APP: variants seen among roughly 807,000 people sequenced by gnomAD.
APP encodes amyloid-beta precursor protein.
APP carries 31 observed loss-of-function variants against 101.4 expected under a neutral mutation model. That is an observed-to-expected ratio of 0.31 (90% CI 0.23 to 0.41). The LOEUF (loss-of-function observed/expected upper bound fraction) is 0.41. APP is among the 10% of genes least tolerant of loss of function. APP has a pLI of 1.00. For missense variants in APP, 839 were observed against 1,003.7 expected, an observed-to-expected ratio of 0.84 and a Z score of 2.22; for synonymous variants, 366 against 364.4, an observed-to-expected ratio of 1.00 and a Z score of -0.05.
intron 1 of APP, among the ~76,000 whole-genome samples, chr21:26,122,866 G>A (rs2830067): frequency 0.095 from 14,501 of 151,984 alleles, 891 homozygotes; most frequent in Admixed American, 0.15. Flanking sequence ...AATTTACTCC[G>A]TGAAAGCTCA....
chr21:26,103,860 A>G (rs2062120192), intron 2 of APP, among the ~76,000 whole-genome samples: 1 of 152,212 alleles, frequency 6.6e-6, no homozygotes, highest in East Asian at 1.9e-4. Context: ...TAATTCTCAC[A>G]ACACTTTGGG....
At chr21:25,986,523 T>A (rs985047878) in intron 8 of APP, among the ~76,000 whole-genome samples, 6 of 152,032 alleles carry the variant, frequency 3.9e-5, no homozygotes, top group African/African-American at 1.5e-4. Flanking sequence ...AAACCCCGTC[T>A]CTACTAAAAT....
intron 13 of APP, among the ~76,000 whole-genome samples, chr21:25,950,956 G>C (rs1163489197): frequency 4.6e-5 from 7 of 152,146 alleles, no homozygotes; most frequent in Non-Finnish European, 1.0e-4. Flanking sequence ...TTTCCAGAAG[G>C]ACATGAGTGT....
chr21:26,043,921 T>C (rs1210716930), intron 5 of APP, among the ~76,000 whole-genome samples: 2 of 152,226 alleles, frequency 1.3e-5, no homozygotes, highest in African/African-American at 2.4e-5. Context: ...GAGTCTGAGA[T>C]ATGGTATGAA....
intron 11 of APP, among the ~76,000 whole-genome samples, chr21:25,957,225 G>C (rs1363953469): frequency 6.6e-6 from 1 of 152,138 alleles, no homozygotes; most frequent in Non-Finnish European, 1.5e-5. Context: ...ACTCTCATCT[G>C]AACTGTGAAA....
intron 13 of APP, among the ~76,000 whole-genome samples, chr21:25,924,995 C>A (rs555237126): frequency 1.2e-4 from 18 of 152,234 alleles, no homozygotes; most frequent in African/African-American, 4.3e-4. Context: ...TCGCATATGA[C>A]CAATTCTTAT....
intron 11 of APP, among the ~76,000 whole-genome samples, chr21:25,960,273 GGGTCTA>G (rs1369425591): frequency 2.7e-5 from 4 of 150,696 alleles, no homozygotes; most frequent in African/African-American, 9.7e-5. Flanking sequence ...TAATCTAAAT[GGGTCTA>G]GGTGCTGGGG....
At chr21:25,986,389 G>T (rs1040063850) in intron 8 of APP, among the ~76,000 whole-genome samples, 1 of 152,168 alleles carries the variant, frequency 6.6e-6, no homozygotes, top group African/African-American at 2.4e-5. Flanking sequence ...AGACCTCTGA[G>T]ATTCCACGGA....
intron 17 of APP, 35 bp downstream of exon 17, chr21:25,891,687 T>C (rs1241461933): frequency 9.3e-6 from 15 of 1,609,896 alleles, no homozygotes; most frequent in Non-Finnish European, 1.3e-5. Context: ...ATAGTCTTAA[T>C]TCCCACTTGG....
chr21:26,118,496 G>A (rs1456518130), intron 1 of APP, among the ~76,000 whole-genome samples: 6 of 152,048 alleles, frequency 3.9e-5, no homozygotes, highest in Non-Finnish European at 7.4e-5. Context: ...TGAAATGAGC[G>A]AGATGTAAAA....
chr21:26,080,127 T>TAAAC (rs757919842), intron 3 of APP, among the ~76,000 whole-genome samples: 18 of 152,100 alleles, frequency 1.2e-4, no homozygotes, highest in Admixed American at 3.9e-4. Flanking sequence ...TCCGTCTCAA[T>TAAAC]AAACAAACAA....
At chr21:25,963,005 G>T (rs1023091703) in intron 11 of APP, among the ~76,000 whole-genome samples, 1 of 151,994 alleles carries the variant, frequency 6.6e-6, no homozygotes, top group Non-Finnish European at 1.5e-5. Flanking sequence ...AGTAGAGAAG[G>T]GTTTCACTAT....
chr21:25,894,514 GGTGACTTTGA>G (rs1419276930), intron 16 of APP, among the ~76,000 whole-genome samples: 1 of 152,098 alleles, frequency 6.6e-6, no homozygotes, highest in Admixed American at 6.5e-5. Flanking sequence ...AACTCTCATG[GGTGACTTTGA>G]GGAGTTCAAG....
intron 14 of APP, among the ~76,000 whole-genome samples, chr21:25,907,750 A>G (rs1232672827): frequency 6.6e-6 from 1 of 152,202 alleles, no homozygotes; most frequent in Non-Finnish European, 1.5e-5. Flanking sequence ...CAAACTCTCT[A>G]CCAGGCCAAA....
intron 9 of APP, among the ~76,000 whole-genome samples, chr21:25,981,459 C>A (rs1272961117): frequency 6.6e-6 from 1 of 152,096 alleles, no homozygotes; most frequent in Non-Finnish European, 1.5e-5. Context: ...TTGTAGACTA[C>A]AAATCAGAAA....
Position 25,924,424 on chromosome 21 carries a change from A to AAAG in APP, c.1688-12463_1688-12462insCTT, listed in dbSNP as rs1555896404. 8.5e-5 allele frequency among the ~76,000 whole-genome samples: 9 copies of AAAG among 105,724 alleles called. 1 individual carries two copies. Among genetic ancestry groups the AAAG allele is most frequent in the Non-Finnish European group, 1.5e-4 (8 of 52,780 alleles). The allele number at this position is 105,724 out of a possible 152,430, so 69.4% of individuals were successfully genotyped here. On this transcript the variant is annotated intron_variant, in intron 13 of 17. Transcript: ENST00000346798. The stretch of plus-strand genomic sequence containing the variant: ...AATTTGCAAATACAAAAAAAAAAAA[A>AAAG]AAAGGAAAAAAAAAAAGGTTGAGTT...
chr21:26,155,003 G>C (rs2063346500), intron 1 of APP, among the ~76,000 whole-genome samples: 1 of 152,158 alleles, frequency 6.6e-6, no homozygotes, highest in Non-Finnish European at 1.5e-5. Context: ...TGTAATCCCG[G>C]CACTTTGGGA....
intron 3 of APP, among the ~76,000 whole-genome samples, chr21:26,055,641 T>C (rs945016840): frequency 6.6e-6 from 1 of 152,206 alleles, no homozygotes; most frequent in African/African-American, 2.4e-5. Flanking sequence ...AAGTACCCTA[T>C]GGCCTGAAGA....
At chr21:26,140,508 C>G in intron 1 of APP, 1 of 528,690 alleles carries the variant, frequency 1.9e-6, no homozygotes, top group Non-Finnish European at 2.9e-6. Context: ...TTTCTTGGCA[C>G]AAAGCCAAGT....
Sources: gnomAD v4.1 joint callset for allele counts (sites outside exome capture counted in the v4.1 genomes callset) on GRCh38, gnomAD v4.1.1 for gene constraint, MANE v1.5 for transcripts, NCBI Gene and HGNC (gene_info 2026-07-23, HGNC 2026-07-21) for gene names.